The following PRKG1 variants were observed in gnomAD, a reference collection of about 807,000 sequenced individuals.
PRKG1 encodes cGMP-dependent protein kinase 1.
In PRKG1, 35 loss-of-function variants were observed where a neutral mutation model predicts 88.1. The observed-to-expected ratio is 0.40, with a 90% CI of 0.30 to 0.53. The LOEUF (loss-of-function observed/expected upper bound fraction) is 0.53, where lower values mean the gene tolerates loss of function less well. Among genes scored for constraint, PRKG1 ranks in the 20% least tolerant of loss-of-function variants. The pLI is 0.59. For missense variants in PRKG1, 540 were observed against 839.8 expected, an observed-to-expected ratio of 0.64 and a Z score of 4.41; for synonymous variants, 303 against 292.5, an observed-to-expected ratio of 1.04 and a Z score of -0.37.
intron 5 of PRKG1, among the ~76,000 whole-genome samples, chr10:52,042,161 G>T (rs545140214): frequency 6.6e-6 from 1 of 152,138 alleles, no homozygotes; most frequent in South Asian, 2.1e-4. Context: ...AAAGTGATAT[G>T]CAGATTCAAT....
At chr10:51,097,356 G>A (rs371076977) in intron 1 of PRKG1, among the ~76,000 whole-genome samples, 58 of 152,234 alleles carry the variant, frequency 3.8e-4, no homozygotes, top group African/African-American at 1.3e-3. Context: ...CCCAGTAGCT[G>A]GGATTACAGG....
At chr10:52,048,007 T>C (rs2133242140) in intron 5 of PRKG1, among the ~76,000 whole-genome samples, 1 of 152,194 alleles carries the variant, frequency 6.6e-6, no homozygotes, top group Middle Eastern at 3.4e-3. Context: ...GATATACATG[T>C]ATATGTATAT....
intron 12 of PRKG1, among the ~76,000 whole-genome samples, chr10:52,278,126 C>A (rs1297898758): frequency 5.3e-5 from 8 of 150,756 alleles, no homozygotes; most frequent in African/African-American, 2.0e-4. Context: ...AGAAAAAAAA[C>A]AGACAACCCT....
chr10:52,028,900 T>C (rs1845408787), intron 5 of PRKG1, among the ~76,000 whole-genome samples: 1 of 152,216 alleles, frequency 6.6e-6, no homozygotes, highest in Non-Finnish European at 1.5e-5. Context: ...ATCAGTCTTG[T>C]CTTGGGGCTC....
chr10:52,052,146 C>G (rs961697260), intron 5 of PRKG1, among the ~76,000 whole-genome samples: 6 of 151,944 alleles, frequency 3.9e-5, no homozygotes, highest in African/African-American at 1.5e-4. Flanking sequence ...CTCAGTAGCC[C>G]CATGTGTCTT....
chr10:51,478,744 GA>G (rs35148190), intron 3 of PRKG1, among the ~76,000 whole-genome samples: 38 of 149,296 alleles, frequency 2.5e-4, no homozygotes, highest in African/African-American at 8.4e-4. Flanking sequence ...GTGAGATACT[GA>G]AAAAAAAAAA....
chr10:51,243,832 ACATTTG>A lies in PRKG1; in HGVS notation c.478+90505_478+90510del, dbSNP rs1434314046. On this transcript the variant is annotated intron_variant, in intron 2 of 17. Coordinates refer to ENST00000373980, the MANE Select transcript of PRKG1 (RefSeq NM_006258.4). ...AAGCAGGGCTGGAAACGGAACAATT[ACATTTG>A]CAGGAGAGTATTACTTGACTTCTTA... 4.6e-5 allele frequency among the ~76,000 whole-genome samples: 7 copies of A among 152,346 alleles called. No homozygotes were observed. The East Asian group carries it at 1.3e-3, about 29-fold the overall frequency.
intron 2 of PRKG1, among the ~76,000 whole-genome samples, chr10:51,313,432 T>A (rs148307695): frequency 1.3e-5 from 2 of 152,138 alleles, no homozygotes; most frequent in African/African-American, 4.8e-5. Flanking sequence ...CTGCAAAGGG[T>A]AAAGTCCAGC....
In PRKG1 at chr10:51,671,572, TTCTC is replaced by T. The variant is rs775680768; in HGVS notation, c.593-132997_593-132994del. The stretch of plus-strand genomic sequence containing the variant: ...TATATTTCTGTCTCAGTGCCTCTTC[TTCTC>T]TCTCTCTCTCTCTCTTTTTTTTTTT... On this transcript the variant is annotated intron_variant, in intron 3 of 17. Coordinates refer to ENST00000373980, the MANE Select transcript of PRKG1 (RefSeq NM_006258.4). Among the ~76,000 whole-genome samples, 834 of 151,070 alleles carry T rather than the reference TTCTC, an allele frequency of 5.5e-3. 8 individuals are homozygous for T. Among genetic ancestry groups the T allele is most frequent in the East Asian group, 0.033 (171 of 5,128 alleles).
chr10:51,213,656 G>A (rs906929985), intron 2 of PRKG1, among the ~76,000 whole-genome samples: 3 of 152,026 alleles, frequency 2.0e-5, no homozygotes, highest in African/African-American at 7.2e-5. Context: ...TGAAACTAAT[G>A]CAATATTACT....
intron 9 of PRKG1, among the ~76,000 whole-genome samples, chr10:52,232,356 A>T (rs1025829601): frequency 6.6e-6 from 1 of 152,184 alleles, no homozygotes; most frequent in African/African-American, 2.4e-5. Context: ...TTGTTTCTAA[A>T]ACAATTCTCA....
At chr10:51,439,166 A>G (rs1252822388) in intron 2 of PRKG1, among the ~76,000 whole-genome samples, 1 of 151,810 alleles carries the variant, frequency 6.6e-6, no homozygotes, top group Non-Finnish European at 1.5e-5. Context: ...TCAGTGTGGT[A>G]GAGTGATTTT....
chr10:51,286,710 C>T (rs79147738), intron 2 of PRKG1, among the ~76,000 whole-genome samples: 18,773 of 152,132 alleles, frequency 0.12, 1,248 homozygotes, highest in East Asian at 0.18. Flanking sequence ...TTCAACATCC[C>T]CCTTTAGCTA....
At chr10:51,851,254 A>C (rs1840547100) in intron 4 of PRKG1, among the ~76,000 whole-genome samples, 1 of 152,188 alleles carries the variant, frequency 6.6e-6, no homozygotes, top group Admixed American at 6.5e-5. Flanking sequence ...AAATAGTAAA[A>C]ATAGTTACCT....
At chr10:51,932,535 C>T (rs1842716297) in intron 5 of PRKG1, among the ~76,000 whole-genome samples, 1 of 152,218 alleles carries the variant, frequency 6.6e-6, no homozygotes. Context: ...GCTATACTGC[C>T]ACGGCCAGGT....
At position 51,511,446 on chromosome 10, in the gene PRKG1, A is replaced by G. The variant is rs75002923; in HGVS notation, c.592+43610A>G. 9.9e-3 allele frequency among the ~76,000 whole-genome samples: 1,502 copies of G among 152,268 alleles called. 39 individuals are homozygous for G. Among genetic ancestry groups the G allele is most frequent in the African/African-American group, 0.035 (1,444 of 41,524 alleles). ...GAGCTATTTGAGTGACTTACTTCCCACAAAGGATCATATACAGAATATTTA... is the reference window on the plus strand; with the variant it reads ...GAGCTATTTGAGTGACTTACTTCCCGCAAAGGATCATATACAGAATATTTA... On this transcript the variant is annotated intron_variant, in intron 3 of 17. Coordinates refer to ENST00000373980, the MANE Select transcript of PRKG1 (RefSeq NM_006258.4).
rs1036550192 is a variant in PRKG1, at chr10:51,411,548, G to C, written c.479-56175G>C. On this transcript the variant is annotated intron_variant, in intron 2 of 17. Transcript: ENST00000373980. ...TAATGGCAGGGGGACGAGGTGGAGA[G>C]TAACATGAAGCAGAGAGAAAGGTTC... 3.3e-5 allele frequency among the ~76,000 whole-genome samples: 5 copies of C among 152,296 alleles called. No homozygotes were observed. The East Asian group carries it at 9.7e-4, about 29-fold the overall frequency.
intron 3 of PRKG1, among the ~76,000 whole-genome samples, chr10:51,628,004 C>CTTTCTT (rs1369528196): frequency 5.9e-4 from 26 of 44,166 alleles, no homozygotes; most frequent in African/African-American, 1.6e-3. Flanking sequence ...CTCTCTCTCT[C>CTTTCTT]TCTCTCTTTC....
intron 7 of PRKG1, among the ~76,000 whole-genome samples, chr10:52,110,121 G>T (rs1847524699): frequency 6.6e-6 from 1 of 151,882 alleles, no homozygotes; most frequent in Non-Finnish European, 1.5e-5. Flanking sequence ...GGCCGAGGCG[G>T]GCGGATCACG....
Sources: gnomAD v4.1 joint callset for allele counts (sites outside exome capture counted in the v4.1 genomes callset) on GRCh38, gnomAD v4.1.1 for gene constraint, MANE v1.5 for transcripts, NCBI Gene and HGNC (gene_info 2026-07-23, HGNC 2026-07-21) for gene names.